The following COL14A1 variants were observed in gnomAD, a reference collection of about 807,000 sequenced individuals.
COL14A1 encodes collagen alpha-1(XIV) chain.
Under a neutral mutation model 230.3 loss-of-function variants are expected in COL14A1, and 136 were observed. That is an observed-to-expected ratio of 0.59 (90% CI 0.51 to 0.68). The LOEUF is 0.68. Among genes scored for constraint, COL14A1 ranks in the 30% least tolerant of loss-of-function variants. The pLI, the probability that COL14A1 is intolerant of heterozygous loss-of-function variation, is 0.00. For synonymous variants in COL14A1, 792 were observed against 784.1 expected (o/e 1.01, Z -0.17); for missense variants, 1,976 against 2,215.8 (o/e 0.89, Z 2.17).
At chr8:120,319,079 C>T (rs900798507) in intron 40 of COL14A1, among the ~76,000 whole-genome samples, 1 of 152,124 alleles carries the variant, frequency 6.6e-6, no homozygotes, top group Non-Finnish European at 1.5e-5. Context: ...GTGTGGTGTG[C>T]AGTAGGAGTG....
chr8:120,207,862 G>A (rs555032533), intron 10 of COL14A1, among the ~76,000 whole-genome samples: 2 of 150,032 alleles, frequency 1.3e-5, no homozygotes, highest in African/African-American at 2.4e-5. Flanking sequence ...AAAAAGATCC[G>A]AGTGCTTCCA....
chr8:120,275,504 C>A (rs1358271282), intron 26 of COL14A1, among the ~76,000 whole-genome samples: 3 of 151,714 alleles, frequency 2.0e-5, no homozygotes, highest in Non-Finnish European at 4.4e-5. Context: ...CCTAATTAAA[C>A]TAAAAACCTT....
At chr8:120,127,824 C>G (rs1014803649) in intron 1 of COL14A1, among the ~76,000 whole-genome samples, 4 of 152,204 alleles carry the variant, frequency 2.6e-5, no homozygotes, top group African/African-American at 7.2e-5. Flanking sequence ...CCTGGCCTGT[C>G]TAGTGTAACC....
At chr8:120,190,996 C>T (rs1244528316) in intron 5 of COL14A1, among the ~76,000 whole-genome samples, 1 of 147,194 alleles carries the variant, frequency 6.8e-6, no homozygotes, top group African/African-American at 2.5e-5. Context: ...AAAAAACCAG[C>T]TCCTGGATTC....
intron 4 of COL14A1, among the ~76,000 whole-genome samples, chr8:120,166,914 GTGTGT>G (rs1175027304): frequency 1.7e-4 from 26 of 149,126 alleles, no homozygotes; most frequent in African/African-American, 6.3e-4. Flanking sequence ...GTGTGTGTGT[GTGTGT>G]GTGGTGGTGA....
intron 40 of COL14A1, among the ~76,000 whole-genome samples, chr8:120,321,089 G>T (rs1230856399): frequency 6.6e-6 from 1 of 152,132 alleles, no homozygotes; most frequent in Admixed American, 6.5e-5. Flanking sequence ...ACAGGATTTT[G>T]TTACTGTGAG....
At chr8:120,315,688 GT>G in intron 39 of COL14A1, 102 bp downstream of exon 39, 1 of 1,018,768 alleles carries the variant, frequency 9.8e-7, no homozygotes, top group Non-Finnish European at 1.5e-6. Context: ...CTTGGTAAGT[GT>G]TTTCCATATT....
chr8:120,145,471 T>C (rs956291450), intron 1 of COL14A1, among the ~76,000 whole-genome samples: 1 of 151,976 alleles, frequency 6.6e-6, no homozygotes. Context: ...ATACAAAAAT[T>C]AGCCGGGCGT....
At chr8:120,132,733 G>T (rs1280142303) in intron 1 of COL14A1, among the ~76,000 whole-genome samples, 1 of 151,784 alleles carries the variant, frequency 6.6e-6, no homozygotes, top group Non-Finnish European at 1.5e-5. Context: ...GATATGAAAT[G>T]AGTTATTTTT....
At chr8:120,218,012 A>G (rs1400705967) in intron 14 of COL14A1, among the ~76,000 whole-genome samples, 5 of 142,766 alleles carry the variant, frequency 3.5e-5, no homozygotes, top group African/African-American at 1.3e-4. Context: ...ATATATTTAA[A>G]TTATATATTA....
intron 34 of COL14A1, among the ~76,000 whole-genome samples, chr8:120,294,345 G>A (rs1333211825): frequency 6.6e-6 from 1 of 151,214 alleles, no homozygotes; most frequent in Non-Finnish European, 1.5e-5. Flanking sequence ...GTCTAACAAT[G>A]AAAAATGAGC....
intron 45 of COL14A1, among the ~76,000 whole-genome samples, chr8:120,350,256 C>T (rs537642431): frequency 1.3e-5 from 2 of 152,078 alleles, no homozygotes; most frequent in Admixed American, 6.5e-5. Context: ...TGGAAAGGAA[C>T]AACCGGTACC....
chr8:120,143,402 A>G (rs1411116813), intron 1 of COL14A1, among the ~76,000 whole-genome samples: 1 of 152,168 alleles, frequency 6.6e-6, no homozygotes, highest in African/African-American at 2.4e-5. Context: ...GCGGATCACA[A>G]GGTCAGGAGT....
In COL14A1 at chr8:120,137,780, A is replaced by AT. The variant is rs1284641724; in HGVS notation, c.-37-10017dup. 9.1e-4 allele frequency among the ~76,000 whole-genome samples: 136 copies of AT among 150,228 alleles called. 1 individual carries two copies. Among genetic ancestry groups the AT allele is most frequent in the African/African-American group, 2.1e-3 (85 of 40,960 alleles). ...TTATAAAGATATTTTATTATTATTCATTTTTTTTTAATTAGATGAGGTCTT... is the reference window on the plus strand; with the variant it reads ...TTATAAAGATATTTTATTATTATTCATTTTTTTTTTAATTAGATGAGGTCTT... On this transcript the variant is annotated intron_variant, in intron 1 of 47. Transcript: ENST00000297848.
chr8:120,337,210 G>A (rs1337414771), intron 42 of COL14A1, among the ~76,000 whole-genome samples: 1 of 152,032 alleles, frequency 6.6e-6, no homozygotes, highest in Non-Finnish European at 1.5e-5. Flanking sequence ...GGCCAACATG[G>A]TGAAACCTGG....
intron 19 of COL14A1, among the ~76,000 whole-genome samples, chr8:120,235,088 A>G (rs1004817761): frequency 2.0e-5 from 3 of 152,140 alleles, no homozygotes; most frequent in Admixed American, 6.5e-5. Context: ...TAGATTTTCT[A>G]GTTTATTTGC....
chr8:120,232,636 A>G (rs566984175), intron 19 of COL14A1, among the ~76,000 whole-genome samples: 95 of 152,258 alleles, frequency 6.2e-4, no homozygotes, highest in African/African-American at 2.2e-3. Flanking sequence ...CATGGTGTAT[A>G]TGTGCCACAT....
At chr8:120,312,737 C>G (rs187486118) in intron 37 of COL14A1, among the ~76,000 whole-genome samples, 3 of 152,310 alleles carry the variant, frequency 2.0e-5, no homozygotes, top group Admixed American at 1.3e-4. Flanking sequence ...TTATCCCAAG[C>G]ACCTAAATCT....
At chr8:120,314,085 A>G in intron 38 of COL14A1, 58 bp downstream of exon 38, 1 of 1,259,852 alleles carries the variant, frequency 7.9e-7, no homozygotes, top group Non-Finnish European at 1.1e-6. Context: ...CCATGAGGTT[A>G]CAAAGAATGA....
Sources: allele counts gnomAD v4.1 joint callset (sites outside exome capture counted in the v4.1 genomes callset), GRCh38; gene constraint gnomAD v4.1.1; transcripts MANE v1.5; gene names NCBI Gene and HGNC (gene_info 2026-07-23, HGNC 2026-07-21).